Variants in MTHFD2L observed in about 807,000 individuals in gnomAD.
The protein encoded by MTHFD2L is bifunctional methylenetetrahydrofolate dehydrogenase/cyclohydrolase 2, mitochondrial.
A neutral mutation model predicts 34.9 loss-of-function variants in MTHFD2L; 29 were observed. The observed-to-expected ratio is 0.83, with a 90% confidence interval of 0.62 to 1.13. The LOEUF (loss-of-function observed/expected upper bound fraction) is 1.13. MTHFD2L is among the 50% of genes most tolerant of loss of function. The pLI is 0.00. For missense variants in MTHFD2L, 481 were observed against 446.5 expected (o/e 1.08, Z -0.70); for synonymous variants, 167 against 155.7 (o/e 1.07, Z -0.54).
intron 1 of MTHFD2L, among the ~76,000 whole-genome samples, chr4:74,169,469 C>T (rs964006808): frequency 6.6e-5 from 10 of 152,186 alleles, no homozygotes; most frequent in Non-Finnish European, 1.5e-4. Context: ...AGTAGCATCA[C>T]TACTCACATG....
At chr4:74,194,203 A>G (rs1358230199) in intron 3 of MTHFD2L, 1 of 152,166 alleles carries the variant, frequency 6.6e-6, no homozygotes, top group African/African-American at 2.4e-5. Context: ...TTTGTATACA[A>G]TGTATGGGAC....
At chr4:74,187,825 A>G (rs1190295958) in intron 3 of MTHFD2L, among the ~76,000 whole-genome samples, 1 of 86,994 alleles carries the variant, frequency 1.1e-5, no homozygotes, top group Non-Finnish European at 2.9e-5. Context: ...ACACACACAC[A>G]CACACACACA....
At chr4:74,135,670 T>G (rs1179874091) in intron 1 of MTHFD2L, among the ~76,000 whole-genome samples, 1 of 142,964 alleles carries the variant, frequency 7.0e-6, no homozygotes, top group Non-Finnish European at 1.5e-5. Context: ...AGTGTTACTG[T>G]GATACCAAAA....
At chr4:74,233,310 G>A (rs930788380) in intron 6 of MTHFD2L, among the ~76,000 whole-genome samples, 1 of 152,086 alleles carries the variant, frequency 6.6e-6, no homozygotes, top group Admixed American at 6.6e-5. Context: ...ATGAAGTGGG[G>A]TGTAGTATCA....
intron 5 of MTHFD2L, among the ~76,000 whole-genome samples, chr4:74,220,288 G>A (rs1560501388): frequency 6.6e-6 from 1 of 151,942 alleles, no homozygotes; most frequent in Non-Finnish European, 1.5e-5. Context: ...TTTATAGTGA[G>A]TGAAAGAAAG....
chr4:74,211,720 C>T (rs1420038085), intron 5 of MTHFD2L, among the ~76,000 whole-genome samples: 1 of 152,084 alleles, frequency 6.6e-6, no homozygotes, highest in African/African-American at 2.4e-5. Context: ...AGGGGGAGTC[C>T]CTCTTTTTCT....
chr4:74,162,376 A>G (rs1388437810), intron 1 of MTHFD2L: 1 of 152,164 alleles, frequency 6.6e-6, no homozygotes, highest in Non-Finnish European at 1.5e-5. Flanking sequence ...CATCATCTGA[A>G]CGCTATGTAG....
intron 3 of MTHFD2L, among the ~76,000 whole-genome samples, chr4:74,191,366 T>G (rs1365285387): frequency 1.3e-5 from 2 of 150,104 alleles, no homozygotes; most frequent in Non-Finnish European, 3.0e-5. Context: ...ACCTGGTCGT[T>G]TTTTTTTTTC....
In MTHFD2L at chr4:74,220,954, AT is replaced by A. The variant is rs980808907; in HGVS notation, c.713-4341del. 6.0e-5 allele frequency among the ~76,000 whole-genome samples: 9 copies of A among 150,856 alleles called. No individual in the cohort carries two copies. In the South Asian group the frequency reaches 6.3e-4, roughly 11 times the overall value. On this transcript the variant is annotated intron_variant, in intron 5 of 7. Transcript: ENST00000325278. Reference sequence around the variant, plus strand: ...TTATTGATATAATAATTTGTCCACAATTTTTTTAACATTGCTTTATATTTAT... The same window carrying A: ...TTATTGATATAATAATTTGTCCACAATTTTTTAACATTGCTTTATATTTAT...
At chr4:74,146,277 C>G (rs1017835150) in intron 1 of MTHFD2L, among the ~76,000 whole-genome samples, 1 of 152,042 alleles carries the variant, frequency 6.6e-6, no homozygotes, top group African/African-American at 2.4e-5. Context: ...TATTATCAGA[C>G]AAGATCTGGT....
At chr4:74,263,283 T>C (rs1026020441) in intron 6 of MTHFD2L, among the ~76,000 whole-genome samples, 1 of 152,024 alleles carries the variant, frequency 6.6e-6, no homozygotes, top group African/African-American at 2.4e-5. Context: ...AGTTTTGTTC[T>C]TTTTGCTTAA....
At chr4:74,212,737 C>A (rs1380059561) in intron 5 of MTHFD2L, among the ~76,000 whole-genome samples, 1 of 152,096 alleles carries the variant, frequency 6.6e-6, no homozygotes, top group East Asian at 1.9e-4. Context: ...GAGTTCAAGT[C>A]CTGAACATCC....
intron 6 of MTHFD2L, among the ~76,000 whole-genome samples, chr4:74,253,104 C>T (rs1743537048): frequency 6.6e-6 from 1 of 151,804 alleles, no homozygotes; most frequent in African/African-American, 2.4e-5. Context: ...AATTTTACAC[C>T]CAGCTAAACT....
At chr4:74,145,566 T>C (rs561303941) in intron 1 of MTHFD2L, among the ~76,000 whole-genome samples, 2 of 152,306 alleles carry the variant, frequency 1.3e-5, no homozygotes, top group South Asian at 4.1e-4. Flanking sequence ...AAAATACTTG[T>C]TACACATGCA....
chr4:74,282,792 T>C (rs10026687), intron 7 of MTHFD2L, among the ~76,000 whole-genome samples: 37,516 of 151,968 alleles, frequency 0.25, 5,014 homozygotes, highest in African/African-American at 0.36. Context: ...TGGTTGGAAC[T>C]CTATTCTAGC....
chr4:74,294,836 G>A (rs1258835361), intron 7 of MTHFD2L, among the ~76,000 whole-genome samples: 1 of 152,050 alleles, frequency 6.6e-6, no homozygotes, highest in African/African-American at 2.4e-5. Flanking sequence ...CAATAACATA[G>A]GGGGGAAAGT....
upstream of MTHFD2L, among the ~76,000 whole-genome samples, chr4:74,154,089 C>T (rs1724101336): frequency 6.6e-6 from 1 of 152,130 alleles, no homozygotes; most frequent in South Asian, 2.1e-4. Flanking sequence ...GAGACATACT[C>T]TTCGGGTATA....
At chr4:74,142,403 C>T (rs1578248235) in intron 1 of MTHFD2L, among the ~76,000 whole-genome samples, 2 of 152,114 alleles carry the variant, frequency 1.3e-5, no homozygotes, top group Admixed American at 6.5e-5. Context: ...TAAGAACAGA[C>T]CAGTGGGCTA....
intron 1 of MTHFD2L, among the ~76,000 whole-genome samples, chr4:74,139,246 T>C (rs1723139566): frequency 6.6e-6 from 1 of 152,058 alleles, no homozygotes; most frequent in African/African-American, 2.4e-5. Context: ...CCTGGGAAGG[T>C]CCCAAAGGTG....
Sources: allele counts gnomAD v4.1 joint callset (sites outside exome capture counted in the v4.1 genomes callset), GRCh38; gene constraint gnomAD v4.1.1; transcripts MANE v1.5; gene names NCBI Gene and HGNC (gene_info 2026-07-23, HGNC 2026-07-21).